BRD4: variants seen among roughly 807,000 people sequenced by gnomAD.
BRD4 encodes bromodomain containing 4.
Under a neutral mutation model 142.1 loss-of-function variants are expected in BRD4, and 16 were observed. The ratio of observed to expected loss-of-function variants is 0.11; its 90% CI spans 0.08 to 0.17. The LOEUF (loss-of-function observed/expected upper bound fraction) is 0.17, where lower values mean the gene tolerates loss of function less well. BRD4 is among the 10% of genes least tolerant of loss of function. The probability of loss-of-function intolerance (pLI) is 1.00; values close to 1 mark genes in which losing one functional copy is unlikely to be tolerated. For missense variants in BRD4, 1,424 were observed against 1,810.9 expected (o/e 0.79, Z 3.88); for synonymous variants, 833 against 707.5 (o/e 1.18, Z -2.82).
At chr19:15,274,211 C>T (rs193023628) in intron 1 of BRD4, among the ~76,000 whole-genome samples, 1 of 152,282 alleles carries the variant, frequency 6.6e-6, no homozygotes, top group East Asian at 1.9e-4. Flanking sequence ...ACAGGACACA[C>T]CAAGTGACTG....
At chr19:15,306,694 G>C (rs1353829900) in intron 1 of BRD4, among the ~76,000 whole-genome samples, 1 of 152,156 alleles carries the variant, frequency 6.6e-6, no homozygotes, top group Non-Finnish European at 1.5e-5. Context: ...AAGGAATAGA[G>C]AGGTCTGAGG....
chr19:15,243,259 T>A lies in BRD4; in HGVS notation c.2810A>T (p.Lys937Met). The stretch of plus-strand genomic sequence containing the variant: ...GAGTAGCGGCGTAGGGGGCTGCACC[T>A]TCTGCAGCTGCTGCAGGTACAGCTG... ...QMQLYLQQLQ[K>M]VQPPTPLLPS... Residue 937 changes from lysine (K) to methionine (M), a missense_variant, in exon 14 of 20, where the codon AAG (lysine) becomes ATG (methionine). Transcript: ENST00000679869. 1 of 1,454,860 alleles carries A rather than the reference T, an allele frequency of 6.9e-7. No homozygotes were observed. Among genetic ancestry groups the A allele is most frequent in the East Asian group, 2.4e-5 (1 of 42,390 alleles). 90.1% of individuals were successfully genotyped at this position (1,454,860 alleles called of 1,614,324 possible). A position where few individuals can be genotyped will look rare whatever the true frequency, so the allele number is the denominator to read the frequency against.
chr19:15,300,085 A>C (rs2047855059), intron 1 of BRD4, among the ~76,000 whole-genome samples: 1 of 151,934 alleles, frequency 6.6e-6, no homozygotes, highest in African/African-American at 2.4e-5. Context: ...CTCTACTAAA[A>C]AATTTTAAAA....
At position 15,239,842 on chromosome 19, in the gene BRD4, C is replaced by T. The variant is rs779611413; in HGVS notation, c.3283-21G>A. ...AGCTCCTGGGATGGCACAGGCACAGCGGCCGGTGAGGTGGGCAGGCACCCC... is the reference window on the plus strand; with the variant it reads ...AGCTCCTGGGATGGCACAGGCACAGTGGCCGGTGAGGTGGGCAGGCACCCC... On this transcript the variant is annotated intron_variant, in intron 15 of 19. Coordinates refer to ENST00000679869, the MANE Select transcript of BRD4 (RefSeq NM_001379291.1). This position sits in a 1 kb window ranked among gnomAD's most constrained non-coding sequence, Gnocchi z 7.4. 1.7e-5 allele frequency: 28 copies of T among 1,613,682 alleles called. No homozygotes were observed. Among genetic ancestry groups the T allele is most frequent in the East Asian group, 4.5e-5 (2 of 44,872 alleles).
At chr19:15,263,090 G>A (rs1312894984) in intron 7 of BRD4, among the ~76,000 whole-genome samples, 1 of 152,108 alleles carries the variant, frequency 6.6e-6, no homozygotes, top group Non-Finnish European at 1.5e-5. Context: ...CGACTTCTCG[G>A]CAAGAGTGCC....
chr19:15,236,107 G>C lies in BRD4; in HGVS notation c.*2270C>G, dbSNP rs1004095145. 5.9e-5 allele frequency: 9 copies of C among 152,262 alleles called. No homozygotes were observed. Among genetic ancestry groups the C allele is most frequent in the African/African-American group, 2.2e-4 (9 of 41,460 alleles). 9.4% of individuals were successfully genotyped at this position (152,262 alleles called of 1,614,324 possible). A position where few individuals can be genotyped will look rare whatever the true frequency, so the allele number is the denominator to read the frequency against. ...TGGATGCCTGAACCACACCCTCACAGGGAGGTTTGGCAGATCCAAAGACAA... is the reference window on the plus strand; with the variant it reads ...TGGATGCCTGAACCACACCCTCACACGGAGGTTTGGCAGATCCAAAGACAA... On this transcript the variant is annotated 3_prime_UTR_variant, in exon 20 of 20. Transcript: ENST00000679869.
intron 1 of BRD4, among the ~76,000 whole-genome samples, chr19:15,298,996 G>C (rs2047846783): frequency 6.6e-6 from 1 of 152,158 alleles, no homozygotes. Flanking sequence ...TGCCGGCACA[G>C]AGCCCTTCCC....
intron 1 of BRD4, among the ~76,000 whole-genome samples, chr19:15,290,261 G>A (rs1451181176): frequency 6.6e-6 from 1 of 152,138 alleles, no homozygotes; most frequent in Non-Finnish European, 1.5e-5. Context: ...ATTATTAAAA[G>A]TGTATTCAAA....
In BRD4 at chr19:15,264,758, C is replaced by T; in HGVS notation, c.858G>A (p.Lys286=). 1.2e-6 allele frequency: 2 copies of T among 1,600,332 alleles called. No homozygotes were observed. The highest frequency in any genetic ancestry group is 1.7e-6 in the Non-Finnish European group (2 of 1,171,350). The change falls in exon 6 of 20, where the codon AAG becomes AAA. Residue 286 remains lysine, a synonymous_variant. Transcript: ENST00000679869. ...TGGTGTCTGCTTTCCTCTTCACTCC[C>T]TTCTTTGTCTGCCAAGAACACGGAC... ...AATPQPVKTK[K]GVKRKADTTT...
At chr19:15,301,898 G>C (rs527548686) in intron 1 of BRD4, among the ~76,000 whole-genome samples, 1 of 148,146 alleles carries the variant, frequency 6.8e-6, no homozygotes, top group Non-Finnish European at 1.5e-5. Context: ...AAGTTGCTGA[G>C]TCTCACGCCT....
chr19:15,242,694 G>A (rs1455269775), intron 14 of BRD4, among the ~76,000 whole-genome samples: 2 of 152,216 alleles, frequency 1.3e-5, no homozygotes, highest in South Asian at 2.1e-4. Context: ...CTTATTCTGA[G>A]TGATCTCACC....
intron 1 of BRD4, among the ~76,000 whole-genome samples, chr19:15,273,457 C>T (rs772159415): frequency 6.6e-6 from 1 of 152,246 alleles, no homozygotes; most frequent in Non-Finnish European, 1.5e-5. Context: ...GTCTCACAAA[C>T]CTGCACATCC....
chr19:15,264,238 C>G, intron 6 of BRD4, 166 bp downstream of exon 6: 2 of 894,470 alleles, frequency 2.2e-6, no homozygotes, highest in South Asian at 3.7e-5. Flanking sequence ...GCACGTCCCA[C>G]AGCAGACAGC....
Position 15,238,373 on chromosome 19 carries a change from G to A in BRD4, c.*4C>T, listed in dbSNP as rs1272803954. ...AATCAAAGTCAGAAGCCACCTAGGT[G>A]CGCTCAGAAAAGATTTTCTTCAAAT... On this transcript the variant is annotated 3_prime_UTR_variant, in exon 20 of 20. Coordinates refer to ENST00000679869, the MANE Select transcript of BRD4 (RefSeq NM_001379291.1). The surrounding 1 kb of genome is among the most constrained non-coding windows in gnomAD (Gnocchi z 7.2). 2 of 1,614,042 alleles carry A rather than the reference G, an allele frequency of 1.2e-6. No individual in the cohort carries two copies. Among genetic ancestry groups the A allele is most frequent in the South Asian group, 1.1e-5 (1 of 91,086 alleles).
intron 1 of BRD4, among the ~76,000 whole-genome samples, chr19:15,279,834 G>A (rs533037711): frequency 3.9e-5 from 6 of 152,248 alleles, no homozygotes; most frequent in Middle Eastern, 6.8e-3. Context: ...GCCTCCCAGC[G>A]GACCTCTTGA....
intron 1 of BRD4, among the ~76,000 whole-genome samples, chr19:15,281,231 C>G (rs1031615228): frequency 6.6e-6 from 1 of 152,180 alleles, no homozygotes; most frequent in Non-Finnish European, 1.5e-5. Context: ...CCCCCCACCC[C>G]TTGGACCAGC....
At chr19:15,301,930 G>A (rs911454547) in intron 1 of BRD4, among the ~76,000 whole-genome samples, 13 of 151,372 alleles carry the variant, frequency 8.6e-5, no homozygotes, top group African/African-American at 2.7e-4. Flanking sequence ...ACATTAGGAG[G>A]ATGAGGCAGG....
At chr19:15,255,152 G>A (rs979954391) in intron 10 of BRD4, 145 bp downstream of exon 10, 81 of 814,434 alleles carry the variant, frequency 9.9e-5, no homozygotes, top group South Asian at 1.1e-4. Context: ...ACAACCTTTC[G>A]GAGGTTTCTG....
chr19:15,315,293 CA>C (rs1024839643), intron 1 of BRD4, among the ~76,000 whole-genome samples: 5 of 152,064 alleles, frequency 3.3e-5, no homozygotes, highest in African/African-American at 1.2e-4. Context: ...CTTTCTAGCA[CA>C]GGGGTATTAG....
Sources: gnomAD v4.1 joint callset for allele counts (sites outside exome capture counted in the v4.1 genomes callset) on GRCh38, gnomAD v4.1.1 for gene constraint, Gnocchi (gnomAD v3.1) non-coding constraint, MANE v1.5 for transcripts, NCBI Gene and HGNC (gene_info 2026-07-23, HGNC 2026-07-21) for gene names.